PRKD3: variants seen among roughly 807,000 people sequenced by gnomAD.
The protein encoded by PRKD3 is protein kinase D3.
Under a neutral mutation model 99.2 loss-of-function variants are expected in PRKD3, and 47 were observed. That is an observed-to-expected ratio of 0.47 (90% CI 0.38 to 0.60). The LOEUF (loss-of-function observed/expected upper bound fraction) is 0.60. Among genes scored for constraint, PRKD3 ranks in the 20% least tolerant of loss-of-function variants. The probability of loss-of-function intolerance (pLI) is 0.00; values close to 1 mark genes in which losing one functional copy is unlikely to be tolerated. For synonymous variants in PRKD3, 392 were observed against 355.4 expected, an observed-to-expected ratio of 1.10 and a Z score of -1.16; for missense variants, 1,019 against 1,088.4, an observed-to-expected ratio of 0.94 and a Z score of 0.90.
chr2:37,253,164 G>C lies in PRKD3; in HGVS notation c.*13C>G, dbSNP rs1286370721. On this transcript the variant is annotated 3_prime_UTR_variant, in exon 19 of 19. Coordinates refer to ENST00000234179, the MANE Select transcript of PRKD3 (RefSeq NM_005813.6). ...TAAAATGAAATCCTTCCTTATTTAG[G>C]TTAGCTCAGTGATTAAGGATCTTCT... 2 of 1,585,574 alleles carry C rather than the reference G, an allele frequency of 1.3e-6. No individual in the cohort carries two copies. Among genetic ancestry groups the C allele is most frequent in the African/African-American group, 1.4e-5 (1 of 73,676 alleles).
At chr2:37,297,807 G>C (rs1162881480) in intron 2 of PRKD3, among the ~76,000 whole-genome samples, 1 of 152,100 alleles carries the variant, frequency 6.6e-6, no homozygotes, top group East Asian at 1.9e-4. Context: ...CTCTACCAAG[G>C]GCACCTACTG....
At position 37,256,228 on chromosome 2, in the gene PRKD3, T is replaced by C. The variant is rs568529513; in HGVS notation, c.2413+434A>G. ...ACAACTAGGTTTGTGTAGGGAGTAG[T>C]GGGAGATGAGGCTAGAAGGTAAGCA... is the stretch of plus-strand genomic sequence containing the variant. On this transcript the variant is annotated intron_variant, in intron 17 of 18. Coordinates refer to ENST00000234179, the MANE Select transcript of PRKD3 (RefSeq NM_005813.6). Among the ~76,000 whole-genome samples the C allele has an allele frequency of 2.1e-4, 32 of 151,896 alleles. No homozygotes were observed. In the South Asian group the frequency reaches 6.7e-3, roughly 32 times the overall value.
At chr2:37,288,579 C>G (rs2124829481) in intron 5 of PRKD3, among the ~76,000 whole-genome samples, 1 of 152,204 alleles carries the variant, frequency 6.6e-6, no homozygotes, top group Middle Eastern at 3.4e-3. Flanking sequence ...ATGAAATGTA[C>G]AAGGGAGTTA....
At chr2:37,286,115 A>G (rs1670081930) in intron 6 of PRKD3, 62 bp downstream of exon 6, 1 of 1,278,354 alleles carries the variant, frequency 7.8e-7, no homozygotes, top group Admixed American at 2.4e-5. Context: ...TAAATATTTT[A>G]AGCCTATATA....
intron 9 of PRKD3, among the ~76,000 whole-genome samples, chr2:37,276,529 A>G (rs1470039371): frequency 2.6e-5 from 4 of 151,900 alleles, no homozygotes; most frequent in African/African-American, 9.7e-5. Flanking sequence ...TTTCTTATCA[A>G]TTTGTTGGCA....
In PRKD3 at chr2:37,316,423, C is replaced by T. The variant is rs201123988; in HGVS notation, c.102G>A (p.Thr34=). The T allele has an allele frequency of 4.2e-5, 67 of 1,614,098 alleles. No homozygotes were observed. Among genetic ancestry groups the T allele is most frequent in the Non-Finnish European group, 5.1e-5 (60 of 1,180,052 alleles). The change falls in exon 2 of 19, where the codon ACG becomes ACA. Residue 34 remains threonine (T), a synonymous_variant. Transcript: ENST00000234179. ...PAASPCSSPK[T]GLSARLSNGS... ...CATTAGAGAGTCGGGCAGAGAGTCC[C>T]GTCTTAGGACTTGAACACGGAGAAG... is the stretch of plus-strand genomic sequence containing the variant.
chr2:37,290,847 C>A, intron 4 of PRKD3, 21 bp downstream of exon 4: 1 of 1,559,486 alleles, frequency 6.4e-7, no homozygotes, highest in Non-Finnish European at 8.7e-7. Context: ...CAAATGACCA[C>A]AAAAATTTTA....
intron 1 of PRKD3, among the ~76,000 whole-genome samples, chr2:37,319,270 G>A (rs1437316068): frequency 1.3e-5 from 2 of 152,192 alleles, no homozygotes; most frequent in African/African-American, 4.8e-5. Flanking sequence ...GAATGTTACT[G>A]GAGTGTGGGT....
intron 12 of PRKD3, 48 bp downstream of exon 12, chr2:37,272,332 C>T: frequency 6.3e-7 from 1 of 1,589,640 alleles, no homozygotes; most frequent in South Asian, 1.2e-5. Flanking sequence ...CTTTTATTTT[C>T]CTTATTTTAA....
In PRKD3 at chr2:37,274,544, G is replaced by T; in HGVS notation, c.1528C>A (p.Leu510Ile). Residue 510 changes from leucine to isoleucine, a missense_variant, in exon 11 of 19, where the codon CTT (leucine) becomes ATT (isoleucine). Around this residue, in one of 3 missense-constraint regions of PRKD3, gnomAD observed 710 missense variants for 692.7 expected, o/e 1.02. Coordinates refer to ENST00000234179, the MANE Select transcript of PRKD3 (RefSeq NM_005813.6). Reference sequence around the variant, plus strand: ...TCAAGTCCAACTCCAGTGGCAGCAAGAACAGGATTATGAGAGCTGTCCCCA... The same window carrying T: ...TCAAGTCCAACTCCAGTGGCAGCAATAACAGGATTATGAGAGCTGTCCCCA... ...NNGDSSHNPVLAATGVGLDVA... is the reference protein window; with the variant it reads ...NNGDSSHNPVIAATGVGLDVA... 8 of 1,614,114 alleles carry T rather than the reference G, an allele frequency of 5.0e-6. No individual in the cohort carries two copies. The highest frequency in any genetic ancestry group is 5.9e-6 in the Non-Finnish European group (7 of 1,180,008).
Position 37,252,949 on chromosome 2 carries a change from C to A in PRKD3, c.*228G>T. The A allele has an allele frequency of 8.5e-6, 3 of 353,190 alleles. No individual in the cohort carries two copies. The highest frequency in any genetic ancestry group is 7.6e-4 in the Middle Eastern group (1 of 1,322). The allele number at this position is 353,190 out of a possible 1,614,324, so 21.9% of individuals were successfully genotyped here. Reference sequence around the variant, plus strand: ...AATACAAAACCAGTTATTGCTTAGGCTAAAAAAGTTTATAAAAAGCTTCAC... The same window carrying A: ...AATACAAAACCAGTTATTGCTTAGGATAAAAAAGTTTATAAAAAGCTTCAC... On this transcript the variant is annotated 3_prime_UTR_variant, in exon 19 of 19. Transcript: ENST00000234179.
intron 5 of PRKD3, among the ~76,000 whole-genome samples, chr2:37,287,849 T>C (rs1670197321): frequency 6.6e-6 from 1 of 152,214 alleles, no homozygotes; most frequent in African/African-American, 2.4e-5. Flanking sequence ...TCATGCCTTC[T>C]TTAATTTTGC....
intron 17 of PRKD3, among the ~76,000 whole-genome samples, chr2:37,255,900 C>T (rs554863062): frequency 3.7e-4 from 57 of 152,082 alleles, no homozygotes; most frequent in Admixed American, 9.8e-4. Flanking sequence ...CATCATCCCA[C>T]CTAGTCAGGA....
At chr2:37,282,210 A>G (rs936857145) in intron 7 of PRKD3, 2 of 207,912 alleles carry the variant, frequency 9.6e-6, no homozygotes, top group African/African-American at 4.6e-5. Flanking sequence ...TGGTATAGCA[A>G]GCAGTTAGTA....
At chr2:37,305,327 T>A (rs1354905831) in intron 2 of PRKD3, among the ~76,000 whole-genome samples, 1 of 152,180 alleles carries the variant, frequency 6.6e-6, no homozygotes, top group African/African-American at 2.4e-5. Context: ...AAACCAAATG[T>A]TTTAAATCAG....
Position 37,253,082 on chromosome 2 carries a change from G to T in PRKD3, c.*95C>A. The T allele has an allele frequency of 1.6e-6, 2 of 1,255,426 alleles. No individual in the cohort carries two copies. The highest frequency in any genetic ancestry group is 2.2e-6 in the Non-Finnish European group (2 of 908,362). The allele number at this position is 1,255,426 out of a possible 1,614,324, so 77.8% of individuals were successfully genotyped here. A position where few individuals can be genotyped will look rare whatever the true frequency, so the allele number is the denominator to read the frequency against. ...CGTTATCATATTTCTTCATATCTTT[G>T]CAGCACTGCAGATGACAATCTACAA... On this transcript the variant is annotated 3_prime_UTR_variant, in exon 19 of 19. Coordinates refer to ENST00000234179, the MANE Select transcript of PRKD3 (RefSeq NM_005813.6).
At chr2:37,281,453 T>G (rs959975776) in intron 7 of PRKD3, among the ~76,000 whole-genome samples, 3 of 152,142 alleles carry the variant, frequency 2.0e-5, no homozygotes, top group African/African-American at 7.2e-5. Flanking sequence ...GGGTATTAGG[T>G]AGTGGTGGGT....
At chr2:37,259,136 T>A (rs1269086298) in intron 16 of PRKD3, among the ~76,000 whole-genome samples, 1 of 152,156 alleles carries the variant, frequency 6.6e-6, no homozygotes, top group East Asian at 1.9e-4. Flanking sequence ...CCATTGTGTG[T>A]ATGTGTGGTG....
chr2:37,252,359 G>C lies in PRKD3; in HGVS notation c.*818C>G. The C allele has an allele frequency of 6.6e-6, 1 of 152,204 alleles. No individual in the cohort carries two copies. The highest frequency in any genetic ancestry group is 1.9e-4 in the East Asian group (1 of 5,196). 9.4% of individuals were successfully genotyped at this position (152,204 alleles called of 1,614,324 possible). ...CAGTACTGGCATCAAGATGGTGTCA[G>C]TCAGAACATGCATATTTAGCAGCAG... On this transcript the variant is annotated 3_prime_UTR_variant, in exon 19 of 19. Coordinates refer to ENST00000234179, the MANE Select transcript of PRKD3 (RefSeq NM_005813.6).
Sources: allele counts gnomAD v4.1 joint callset (sites outside exome capture counted in the v4.1 genomes callset), GRCh38; gene constraint gnomAD v4.1.1; regional missense constraint gnomAD v4.1.1; transcripts MANE v1.5; gene names NCBI Gene and HGNC (gene_info 2026-07-23, HGNC 2026-07-21).